The following ZNF136 variants were observed in gnomAD, a reference collection of about 807,000 sequenced individuals.
ZNF136 encodes zinc finger protein 136 (clone pHZ-20).
ZNF136 carries 8 observed loss-of-function variants against 11.4 expected under a neutral mutation model. The ratio of observed to expected loss-of-function variants is 0.70; its 90% confidence interval spans 0.41 to 1.27. The LOEUF (loss-of-function observed/expected upper bound fraction) is 1.27, where lower values mean the gene tolerates loss of function less well. Among genes scored for constraint, ZNF136 ranks in the 50% most tolerant of loss-of-function variants. The pLI, the probability that ZNF136 is intolerant of heterozygous loss-of-function variation, is 0.01. For missense variants in ZNF136, 590 were observed against 656.5 expected (o/e 0.90, Z 1.11); for synonymous variants, 190 against 207.1 (o/e 0.92, Z 0.71).
At chr19:12,179,516 G>A (rs1181236414) in intron 1 of ZNF136, among the ~76,000 whole-genome samples, 2 of 151,986 alleles carry the variant, frequency 1.3e-5, no homozygotes, top group African/African-American at 4.8e-5. Flanking sequence ...CCTCCATGTT[G>A]GCCAGGGTGG....
intron 1 of ZNF136, among the ~76,000 whole-genome samples, chr19:12,183,622 G>A (rs1915005748): frequency 6.6e-6 from 1 of 151,384 alleles, no homozygotes; most frequent in South Asian, 2.1e-4. Context: ...TCTTGAGACA[G>A]GGTCTTCCTC....
chr19:12,175,336 AG>A (rs1192398834), intron 1 of ZNF136, among the ~76,000 whole-genome samples: 1 of 152,018 alleles, frequency 6.6e-6, no homozygotes, highest in Non-Finnish European at 1.5e-5. Flanking sequence ...CTGGGATTAC[AG>A]GCCTGCATCA....
intron 1 of ZNF136, among the ~76,000 whole-genome samples, chr19:12,173,711 A>G (rs1039764391): frequency 2.6e-5 from 4 of 152,056 alleles, no homozygotes; most frequent in African/African-American, 9.7e-5. Flanking sequence ...GTGTTATGGG[A>G]CCCTCAATTT....
chr19:12,182,581 T>G (rs1392851208), intron 1 of ZNF136, among the ~76,000 whole-genome samples: 2 of 152,198 alleles, frequency 1.3e-5, no homozygotes, highest in South Asian at 2.1e-4. Context: ...TGGAGACATG[T>G]TAGTGGTCAG....
At chr19:12,168,064 T>C (rs1295349505) in intron 1 of ZNF136, among the ~76,000 whole-genome samples, 2 of 113,960 alleles carry the variant, frequency 1.8e-5, no homozygotes, top group African/African-American at 3.7e-5. Flanking sequence ...TTTCTTTTTT[T>C]TTTTTTTTTT....
chr19:12,168,057 CTTTTTTTTTTTT>C lies in ZNF136; in HGVS notation c.3+4870_3+4881del, dbSNP rs386388563. 1.0e-3 allele frequency among the ~76,000 whole-genome samples: 74 copies of C among 71,144 alleles called. No homozygotes were observed. In the South Asian group the frequency reaches 0.028, roughly 27 times the overall value. The allele number at this position is 71,144 out of a possible 152,430, so 46.7% of individuals were successfully genotyped here. On this transcript the variant is annotated intron_variant, in intron 1 of 3. Transcript: ENST00000343979. ...GCCCATTTTTTTTTCTTTTCTTTTTCTTTTTTTTTTTTTTTTTTTTTTTTTTTTTTGTGAGAC... is the reference window on the plus strand; with the variant it reads ...GCCCATTTTTTTTTCTTTTCTTTTTCTTTTTTTTTTTTTTTTTTGTGAGAC...
chr19:12,165,144 A>G (rs899686480), intron 1 of ZNF136, among the ~76,000 whole-genome samples: 2 of 152,206 alleles, frequency 1.3e-5, no homozygotes, highest in African/African-American at 4.8e-5. Flanking sequence ...GAAGGGAGAA[A>G]AACTATCTCA....
chr19:12,181,630 G>A (rs1031079843), intron 1 of ZNF136, among the ~76,000 whole-genome samples: 8 of 151,672 alleles, frequency 5.3e-5, no homozygotes, highest in Admixed American at 3.9e-4. Flanking sequence ...CTGCCACCAC[G>A]CCCAGCTAAT....
chr19:12,166,543 G>A (rs1044801737), intron 1 of ZNF136, among the ~76,000 whole-genome samples: 1 of 152,178 alleles, frequency 6.6e-6, no homozygotes, highest in African/African-American at 2.4e-5. Flanking sequence ...AATTTGTGAC[G>A]GTGAATAACT....
At chr19:12,172,140 G>A (rs1018720389) in intron 1 of ZNF136, among the ~76,000 whole-genome samples, 3 of 151,934 alleles carry the variant, frequency 2.0e-5, no homozygotes, top group Admixed American at 2.0e-4. Context: ...CACCATGCCC[G>A]GCTAATTTTT....
At chr19:12,178,886 G>A (rs924003588) in intron 1 of ZNF136, among the ~76,000 whole-genome samples, 1 of 151,946 alleles carries the variant, frequency 6.6e-6, no homozygotes, top group African/African-American at 2.4e-5. Context: ...CTACTCGGGA[G>A]GCTGAGGCAG....
intron 1 of ZNF136, among the ~76,000 whole-genome samples, chr19:12,179,288 C>T (rs1914880431): frequency 2.6e-5 from 4 of 151,216 alleles, no homozygotes; most frequent in East Asian, 1.9e-4. Context: ...AATAGGAGAG[C>T]GCTCAAAAGA....
intron 1 of ZNF136, among the ~76,000 whole-genome samples, chr19:12,174,592 A>C (rs1243324724): frequency 6.6e-6 from 1 of 152,228 alleles, no homozygotes; most frequent in Admixed American, 6.5e-5. Context: ...TGCTGTAATA[A>C]ATAACCACAG....
In ZNF136 at chr19:12,188,132, A is replaced by G. The variant is rs1457330100; in HGVS notation, c.*131A>G. The G allele has an allele frequency of 7.5e-6, 5 of 665,934 alleles. No individual in the cohort carries two copies. Among genetic ancestry groups the G allele is most frequent in the Middle Eastern group, 2.8e-4 (1 of 3,632 alleles). 41.3% of individuals were successfully genotyped at this position (665,934 alleles called of 1,614,324 possible). On this transcript the variant is annotated 3_prime_UTR_variant, in exon 4 of 4. Transcript: ENST00000343979. ...CATGAAAGAATTCTAGAGAGAAGCC[A>G]TATACATGTAAGTAACATGGGAAAG... is the stretch of plus-strand genomic sequence containing the variant.
At chr19:12,178,806 C>T (rs945779214) in intron 1 of ZNF136, among the ~76,000 whole-genome samples, 3 of 151,882 alleles carry the variant, frequency 2.0e-5, no homozygotes, top group African/African-American at 7.3e-5. Context: ...CTGGCTAACA[C>T]GGTGTAACCC....
chr19:12,164,256 T>C (rs1977153372), intron 1 of ZNF136, among the ~76,000 whole-genome samples: 1 of 152,076 alleles, frequency 6.6e-6, no homozygotes. Flanking sequence ...GATGCTGGTA[T>C]TGAGGATTGA....
rs1250453471 is a variant in ZNF136, at chr19:12,176,576, T to C, written c.4-9209T>C. ...TCCTGACCTCAGGTGATCCATCTGC[T>C]TCAGCCTCCCAAAGTGCTGGGATTA... On this transcript the variant is annotated intron_variant, in intron 1 of 3. Transcript: ENST00000343979. Among the ~76,000 whole-genome samples the C allele has an allele frequency of 2.0e-5, 3 of 152,038 alleles. No homozygotes were observed. The South Asian group carries it at 6.2e-4, about 32-fold the overall frequency.
intron 1 of ZNF136, among the ~76,000 whole-genome samples, chr19:12,178,020 T>C (rs1914843632): frequency 6.6e-6 from 1 of 152,176 alleles, no homozygotes; most frequent in African/African-American, 2.4e-5. Flanking sequence ...GGTGGGAGGA[T>C]GGCTTGAGCC....
chr19:12,163,467 G>A (rs2145623130), intron 1 of ZNF136, among the ~76,000 whole-genome samples: 1 of 152,352 alleles, frequency 6.6e-6, no homozygotes, highest in Middle Eastern at 3.4e-3. Context: ...GATTGTGCGG[G>A]GCCCACGCGA....
Sources: allele counts gnomAD v4.1 joint callset (sites outside exome capture counted in the v4.1 genomes callset), GRCh38; gene constraint gnomAD v4.1.1; transcripts MANE v1.5; gene names NCBI Gene and HGNC (gene_info 2026-07-23, HGNC 2026-07-21).